Variants in PEAK1 observed in about 807,000 individuals in gnomAD.
PEAK1 encodes pseudopodium enriched atypical kinase 1.
A neutral mutation model predicts 124.7 loss-of-function variants in PEAK1; 54 were observed. That is an observed-to-expected ratio of 0.43 (90% CI 0.35 to 0.54). PEAK1 has a LOEUF of 0.54. Among genes scored for constraint, PEAK1 ranks in the 20% least tolerant of loss-of-function variants. PEAK1 has a pLI of 0.01. For synonymous variants in PEAK1, 719 were observed against 760.0 expected, an observed-to-expected ratio of 0.95 and a Z score of 0.89; for missense variants, 2,046 against 2,134.5, an observed-to-expected ratio of 0.96 and a Z score of 0.82.
chr15:77,265,651 G>C (rs556566189), intron 5 of PEAK1, among the ~76,000 whole-genome samples: 106 of 152,020 alleles, frequency 7.0e-4, no homozygotes, highest in African/African-American at 2.4e-3. Flanking sequence ...CTTTTACACT[G>C]TTGGTGGGAC....
intron 7 of PEAK1, among the ~76,000 whole-genome samples, chr15:77,159,765 C>T (rs1228667604): frequency 6.6e-6 from 1 of 152,114 alleles, no homozygotes; most frequent in Non-Finnish European, 1.5e-5. Flanking sequence ...GATCGTGTGC[C>T]ATCAGAACAT....
At chr15:77,293,078 TC>T (rs1379567251) in intron 2 of PEAK1, among the ~76,000 whole-genome samples, 2 of 152,186 alleles carry the variant, frequency 1.3e-5, no homozygotes, top group Non-Finnish European at 2.9e-5. Context: ...TATGACTATC[TC>T]CCTTCTCCAC....
chr15:77,237,069 T>C lies in PEAK1; in HGVS notation c.-115+15298A>G, dbSNP rs946621790. ...TGCTGCACCTGGCTAGAAAATAATT[T>C]TTTTTAAAGTGGGCTTATACTATGA... On this transcript the variant is annotated intron_variant, in intron 6 of 9. Transcript: ENST00000682557. Among the ~76,000 whole-genome samples, 6 of 152,318 alleles carry C rather than the reference T, an allele frequency of 3.9e-5. No homozygotes were observed. The South Asian group carries it at 1.2e-3, about 32-fold the overall frequency.
At chr15:77,212,763 G>A (rs2058963739) in intron 6 of PEAK1, among the ~76,000 whole-genome samples, 1 of 152,110 alleles carries the variant, frequency 6.6e-6, no homozygotes, top group African/African-American at 2.4e-5. Context: ...CTATGAAAAA[G>A]TCATAAATTA....
At chr15:77,235,193 T>C (rs562506865) in intron 6 of PEAK1, among the ~76,000 whole-genome samples, 31 of 151,936 alleles carry the variant, frequency 2.0e-4, no homozygotes, top group Non-Finnish European at 3.5e-4. Context: ...ATACAATAAA[T>C]TGGTACCAAG....
intron 2 of PEAK1, among the ~76,000 whole-genome samples, chr15:77,294,933 G>A (rs1228481766): frequency 6.6e-6 from 1 of 152,050 alleles, no homozygotes. Flanking sequence ...AGGAGAATAT[G>A]AAAAATAAAA....
intron 6 of PEAK1, among the ~76,000 whole-genome samples, chr15:77,249,979 T>A (rs1047214393): frequency 1.3e-4 from 19 of 151,218 alleles, no homozygotes; most frequent in Non-Finnish European, 1.9e-4. Flanking sequence ...ACAAAAAAAA[T>A]TTTTTTTAAA....
At chr15:77,339,157 C>T (rs1266390162) in intron 2 of PEAK1, among the ~76,000 whole-genome samples, 2 of 150,702 alleles carry the variant, frequency 1.3e-5, no homozygotes, top group Middle Eastern at 3.4e-3. Context: ...GTCGCCCAGG[C>T]TTGAGTATGG....
At chr15:77,353,673 A>C in intron 2 of PEAK1, among the ~76,000 whole-genome samples, 1 of 152,210 alleles carries the variant, frequency 6.6e-6, no homozygotes, top group Non-Finnish European at 1.5e-5. Flanking sequence ...TTTCTTTTAT[A>C]TGTATAATAT....
intron 5 of PEAK1, among the ~76,000 whole-genome samples, chr15:77,283,115 G>C (rs2062755347): frequency 6.6e-6 from 1 of 152,162 alleles, no homozygotes; most frequent in Non-Finnish European, 1.5e-5. Flanking sequence ...AGCTGGGCAA[G>C]AGAATCTTAT....
At position 77,114,199 on chromosome 15, in the gene PEAK1, G is replaced by C. The variant is rs1415449341; in HGVS notation, c.5198C>G (p.Thr1733Arg). ...TTTCACAATACAACTGAGGGAGTCT[G>C]TAGTGGCAAAAGCCAAATACTGAGC... Reference protein sequence around the residue: ...LCAQYLAFATTDSLSCIVKIL... With the variant: ...LCAQYLAFATRDSLSCIVKIL... Residue 1733 changes from threonine (T) to arginine (R), a missense_variant, in exon 10 of 10, where the codon ACA becomes AGA. Coordinates refer to ENST00000682557, the MANE Select transcript of PEAK1 (RefSeq NM_001385026.1). 3 of 1,614,114 alleles carry C rather than the reference G, an allele frequency of 1.9e-6. No individual in the cohort carries two copies. The African/African-American group carries it at 4.0e-5, about 22-fold the overall frequency.
At position 77,180,794 on chromosome 15, in the gene PEAK1, T is replaced by C. The variant is rs766592958; in HGVS notation, c.1133A>G (p.Lys378Arg). 6.2e-6 allele frequency: 10 copies of C among 1,614,054 alleles called. No homozygotes were observed. The highest frequency in any genetic ancestry group is 1.7e-5 in the Admixed American group (1 of 60,008). ...GLSPGNPGDS[K>R]DMKEIEPNYE... ...ATTGGGCTCAATTTCCTTCATGTCC[T>C]TAGAATCTCCTGGGTTACCAGGAGA... Residue 378 changes from lysine (K) to arginine (R), a missense_variant, in exon 7 of 10, where the codon AAG (lysine) becomes AGG (arginine). Lys to Arg is a conservative substitution (Grantham distance 26). Coordinates refer to ENST00000682557, the MANE Select transcript of PEAK1 (RefSeq NM_001385026.1).
intron 2 of PEAK1, chr15:77,337,214 C>A: frequency 1.0e-6 from 1 of 984,350 alleles, no homozygotes; most frequent in Non-Finnish European, 1.2e-6. Flanking sequence ...CAAATAAACT[C>A]AGCCAAGACA....
intron 2 of PEAK1, among the ~76,000 whole-genome samples, chr15:77,325,520 C>G (rs1597305513): frequency 6.6e-6 from 1 of 152,048 alleles, no homozygotes; most frequent in Non-Finnish European, 1.5e-5. Flanking sequence ...CTGTCAAGCG[C>G]TTTTATATAG....
intron 1 of PEAK1, among the ~76,000 whole-genome samples, chr15:77,394,458 T>C (rs1048922808): frequency 6.6e-6 from 1 of 152,124 alleles, no homozygotes; most frequent in African/African-American, 2.4e-5. Flanking sequence ...TGGGAGAAGG[T>C]AAGGGAAGTG....
chr15:77,319,253 TAAA>T (rs201595105), intron 2 of PEAK1, among the ~76,000 whole-genome samples: 1 of 139,864 alleles, frequency 7.1e-6, no homozygotes. Context: ...AAATGTAGTT[TAAA>T]AAAAAAAAAA....
Position 77,115,271 on chromosome 15 carries a change from C to A in PEAK1, c.4126G>T (p.Ala1376Ser). The part of the protein sequence containing the change: ...KESQQYYHSL[A>S]VRQSLAVHFN... The stretch of plus-strand genomic sequence containing the variant: ...TGGACAGCCAGACTCTGCCGGACAG[C>A]CAAGCTGTGATAATACTGCTGAGAT... Residue 1376 changes from alanine (A) to serine (S), a missense_variant, in exon 10 of 10, where the codon GCT (alanine) becomes TCT (serine). Physicochemically the swap from Ala to Ser is moderately conservative, Grantham distance 99. Transcript: ENST00000682557. 6.2e-7 allele frequency: 1 copy of A among 1,614,152 alleles called. No homozygotes were observed. Among genetic ancestry groups the A allele is most frequent in the Non-Finnish European group, 8.5e-7 (1 of 1,180,008 alleles).
At chr15:77,396,368 A>C (rs1444867700) in intron 1 of PEAK1, among the ~76,000 whole-genome samples, 1 of 152,118 alleles carries the variant, frequency 6.6e-6, no homozygotes, top group Non-Finnish European at 1.5e-5. Context: ...AGACGACCAC[A>C]AAACAACCAG....
At chr15:77,250,828 CA>C (rs1311518440) in intron 6 of PEAK1, among the ~76,000 whole-genome samples, 2 of 152,130 alleles carry the variant, frequency 1.3e-5, no homozygotes, top group African/African-American at 4.8e-5. Context: ...CTTGGCCTCC[CA>C]AAGTGCTGGG....
Sources: gnomAD v4.1 joint callset for allele counts (sites outside exome capture counted in the v4.1 genomes callset) on GRCh38, gnomAD v4.1.1 for gene constraint, MANE v1.5 for transcripts, NCBI Gene and HGNC (gene_info 2026-07-23, HGNC 2026-07-21) for gene names.